Variants in CCDC73 observed in about 807,000 individuals in gnomAD.
CCDC73 encodes the protein coiled-coil domain-containing protein 73.
In CCDC73, 95 loss-of-function variants were observed where a neutral mutation model predicts 116.5. The ratio of observed to expected loss-of-function variants is 0.82; its 90% CI spans 0.69 to 0.97. The LOEUF (loss-of-function observed/expected upper bound fraction) is 0.97. Among genes scored for constraint, CCDC73 ranks in the 50% least tolerant of loss-of-function variants. The probability of loss-of-function intolerance (pLI) is 0.00; values close to 1 mark genes in which losing one functional copy is unlikely to be tolerated. For synonymous variants in CCDC73, 398 were observed against 401.3 expected (o/e 0.99, Z 0.10); for missense variants, 1,066 against 1,206.8 (o/e 0.88, Z 1.73).
chr11:32,665,587 A>G (rs1440279525), intron 9 of CCDC73, among the ~76,000 whole-genome samples: 2 of 152,150 alleles, frequency 1.3e-5, no homozygotes, highest in African/African-American at 4.8e-5. Flanking sequence ...AATACTGCAC[A>G]CTGATGGGTC....
intron 14 of CCDC73, among the ~76,000 whole-genome samples, chr11:32,621,377 C>T (rs924481441): frequency 2.0e-5 from 3 of 152,164 alleles, no homozygotes; most frequent in African/African-American, 4.8e-5. Flanking sequence ...CACACGTCTA[C>T]AACCACCTGA....
chr11:32,768,398 C>G (rs952492814), intron 1 of CCDC73, among the ~76,000 whole-genome samples: 2 of 152,022 alleles, frequency 1.3e-5, no homozygotes, highest in African/African-American at 4.8e-5. Context: ...GTGCAGCACA[C>G]CAGCATGGTA....
chr11:32,672,339 C>G (rs528814325), intron 9 of CCDC73, among the ~76,000 whole-genome samples: 3 of 151,288 alleles, frequency 2.0e-5, no homozygotes, highest in African/African-American at 7.3e-5. Flanking sequence ...AAGACTCTGT[C>G]GAAAGAAAAA....
At chr11:32,819,218 C>T in the CCDC73 span, among the ~76,000 whole-genome samples, 1 of 149,974 alleles carries the variant, frequency 6.7e-6, no homozygotes, top group African/African-American at 2.5e-5. Context: ...AAAGAGGAAA[C>T]ATTTGAGTAA....
At chr11:32,802,096 G>A in the CCDC73 span, among the ~76,000 whole-genome samples, 29 of 152,248 alleles carry the variant, frequency 1.9e-4, no homozygotes, top group African/African-American at 6.5e-4. Flanking sequence ...ATCTCTGATA[G>A]CCAAATTTCA....
intron 1 of CCDC73, among the ~76,000 whole-genome samples, chr11:32,780,585 GA>G (rs1850574851): frequency 1.3e-5 from 2 of 151,940 alleles, no homozygotes; most frequent in Non-Finnish European, 2.9e-5. Context: ...TAAAAAACAA[GA>G]AAGAAAAGTT....
rs148647626 is a variant in CCDC73 at position 32,632,151 on chromosome 11, G to A, written c.1185+3545C>T. Among the ~76,000 whole-genome samples, 57 of 152,180 alleles carry A rather than the reference G, an allele frequency of 3.7e-4. No individual in the cohort carries two copies. In the East Asian group the frequency reaches 0.01, roughly 28 times the overall value. ...CTAAGACTTATTTTTTGTGTATATT[G>A]CCTATCTTGGTGAATATTTCATGTG... On this transcript the variant is annotated intron_variant, in intron 14 of 17. Transcript: ENST00000335185.
At chr11:32,651,709 A>C (rs894621512) in intron 12 of CCDC73, among the ~76,000 whole-genome samples, 2 of 152,254 alleles carry the variant, frequency 1.3e-5, no homozygotes, top group African/African-American at 4.8e-5. Flanking sequence ...CTGAAGCAGA[A>C]GGCCATTCTG....
chr11:32,695,269 T>A (rs1266660456), intron 6 of CCDC73, among the ~76,000 whole-genome samples: 1 of 150,846 alleles, frequency 6.6e-6, no homozygotes, highest in Non-Finnish European at 1.5e-5. Flanking sequence ...CACAGGAGGG[T>A]GAGGCAGGAG....
intron 6 of CCDC73, among the ~76,000 whole-genome samples, chr11:32,689,913 T>C (rs970943446): frequency 6.6e-6 from 1 of 152,120 alleles, no homozygotes; most frequent in Non-Finnish European, 1.5e-5. Flanking sequence ...GAGAATGGCA[T>C]GAACCCGGGA....
At chr11:32,615,270 C>T (rs1855464086) in intron 15 of CCDC73, among the ~76,000 whole-genome samples, 1 of 152,074 alleles carries the variant, frequency 6.6e-6, no homozygotes, top group South Asian at 2.1e-4. Flanking sequence ...TCATTTAGGA[C>T]ACTTAGTACA....
chr11:32,822,075 C>T, the CCDC73 span, among the ~76,000 whole-genome samples: 1 of 152,082 alleles, frequency 6.6e-6, no homozygotes, highest in East Asian at 1.9e-4. Context: ...AGGGGAATAC[C>T]AGAGGTAAAT....
intron 12 of CCDC73, among the ~76,000 whole-genome samples, chr11:32,643,565 T>C (rs994132264): frequency 6.6e-6 from 1 of 152,100 alleles, no homozygotes; most frequent in African/African-American, 2.4e-5. Flanking sequence ...CACTGACTAG[T>C]GTAGGCAATT....
At chr11:32,624,338 T>TA (rs1855549386) in intron 14 of CCDC73, among the ~76,000 whole-genome samples, 1 of 151,002 alleles carries the variant, frequency 6.6e-6, no homozygotes. Context: ...CATCTCCAAA[T>TA]AAAAAATAAA....
intron 1 of CCDC73, among the ~76,000 whole-genome samples, chr11:32,770,095 T>C (rs1397794755): frequency 2.0e-5 from 3 of 152,214 alleles, no homozygotes; most frequent in Admixed American, 1.3e-4. Context: ...CTGCTGGTTT[T>C]ATATAGGCTG....
chr11:32,721,717 C>G (rs542502098), intron 2 of CCDC73, among the ~76,000 whole-genome samples: 1 of 63,906 alleles, frequency 1.6e-5, no homozygotes, highest in African/African-American at 6.1e-5. Flanking sequence ...CCTCAGCCTC[C>G]CGAGTAGCTG....
intron 1 of CCDC73, among the ~76,000 whole-genome samples, chr11:32,789,471 T>A (rs1291008359): frequency 1.3e-5 from 2 of 152,150 alleles, no homozygotes; most frequent in African/African-American, 2.4e-5. Context: ...GTGATTTTTT[T>A]AAAAATACAG....
intron 9 of CCDC73, among the ~76,000 whole-genome samples, chr11:32,673,166 A>C (rs887500385): frequency 6.6e-6 from 1 of 152,224 alleles, no homozygotes; most frequent in Admixed American, 6.5e-5. Context: ...GGTATATGAA[A>C]ATATGTTCAA....
upstream of CCDC73, among the ~76,000 whole-genome samples, chr11:32,798,494 A>T (rs898150006): frequency 1.3e-5 from 2 of 152,204 alleles, no homozygotes; most frequent in South Asian, 4.1e-4. Context: ...TTGTAGAGAC[A>T]GGGGTCTCCC....
Sources: allele counts gnomAD v4.1 joint callset (sites outside exome capture counted in the v4.1 genomes callset), GRCh38; gene constraint gnomAD v4.1.1; transcripts MANE v1.5; gene names NCBI Gene and HGNC (gene_info 2026-07-23, HGNC 2026-07-21).